Variants in SH3BGR observed in about 807,000 individuals in gnomAD.
SH3BGR encodes SH3 domain binding glutamate rich protein.
Under a neutral mutation model 24.5 loss-of-function variants are expected in SH3BGR, and 29 were observed. That is an observed-to-expected ratio of 1.18 (90% CI 0.88 to 1.61). The LOEUF (loss-of-function observed/expected upper bound fraction) is 1.61. SH3BGR is among the 40% of genes most tolerant of loss of function. The pLI, the probability that SH3BGR is intolerant of heterozygous loss-of-function variation, is 0.00. For missense variants in SH3BGR, 162 were observed against 205.8 expected, an observed-to-expected ratio of 0.79 and a Z score of 1.30; for synonymous variants, 55 against 65.7, an observed-to-expected ratio of 0.84 and a Z score of 0.79.
chr21:39,479,266 T>G (rs974578295), intron 3 of SH3BGR, among the ~76,000 whole-genome samples: 3 of 150,370 alleles, frequency 2.0e-5, no homozygotes, highest in African/African-American at 7.4e-5. Context: ...GTGATGGTAG[T>G]GCTGGTGGTG....
rs2078697423 is a variant in SH3BGR, at chr21:39,511,644, G to C, written c.436-36G>C. The C allele has an allele frequency of 6.2e-7, 1 of 1,600,158 alleles. No homozygotes were observed. Among genetic ancestry groups the C allele is most frequent in the Admixed American group, 1.8e-5 (1 of 57,018 alleles). Reference sequence around the variant, plus strand: ...TTCTCACTGTATCCTTGGCCCTTATGCTTCTTAATACTAATGTAAGTTTTG... The same window carrying C: ...TTCTCACTGTATCCTTGGCCCTTATCCTTCTTAATACTAATGTAAGTTTTG... On this transcript the variant is annotated intron_variant, in intron 5 of 6. Transcript: ENST00000333634. This position sits in a 1 kb window ranked among gnomAD's most constrained non-coding sequence, Gnocchi z 4.2.
intron 3 of SH3BGR, among the ~76,000 whole-genome samples, chr21:39,489,795 C>G (rs112311504): frequency 0.046 from 6,966 of 152,246 alleles, 293 homozygotes; most frequent in African/African-American, 0.11. Context: ...AGTCAGGGAG[C>G]TCCCAGGTGA....
At chr21:39,469,650 T>G (rs572767157) in intron 2 of SH3BGR, among the ~76,000 whole-genome samples, 2 of 151,486 alleles carry the variant, frequency 1.3e-5, no homozygotes, top group Non-Finnish European at 1.5e-5. Context: ...AATTTAATTT[T>G]ATTTATTATT....
intron 6 of SH3BGR, among the ~76,000 whole-genome samples, chr21:39,514,197 C>A (rs1296234155): frequency 1.3e-5 from 2 of 152,126 alleles, no homozygotes; most frequent in Non-Finnish European, 2.9e-5. Flanking sequence ...AGGTATTCTG[C>A]AAACTATTTG....
rs992622866 is a variant in SH3BGR, at chr21:39,499,240, C to T, written c.313-583C>T. 6.4e-3 allele frequency among the ~76,000 whole-genome samples: 529 copies of T among 82,040 alleles called. 4 individuals are homozygous for T. Among genetic ancestry groups the T allele is most frequent in the African/African-American group, 0.014 (497 of 35,130 alleles). 53.8% of individuals were successfully genotyped at this position (82,040 alleles called of 152,430 possible). A position where few individuals can be genotyped will look rare whatever the true frequency, so the allele number is the denominator to read the frequency against. On this transcript the variant is annotated intron_variant, in intron 3 of 6. Transcript: ENST00000333634. ...AAGCCTAACCATATTATCATCCATC[C>T]ATCCACCTATCTATCATCTGTCTAT...
At chr21:39,465,943 G>A (rs768180669) in intron 2 of SH3BGR, among the ~76,000 whole-genome samples, 9 of 152,028 alleles carry the variant, frequency 5.9e-5, no homozygotes, top group African/African-American at 1.9e-4. Context: ...CAATTTTTTG[G>A]CTTGGTCCTC....
intron 2 of SH3BGR, 108 bp from the exon 3 acceptor site, chr21:39,475,027 G>A (rs747019988): frequency 1.5e-5 from 10 of 651,926 alleles, no homozygotes; most frequent in Admixed American, 5.7e-5. Flanking sequence ...ATGACTTTTT[G>A]TGTGAGCTCC....
chr21:39,462,059 A>G (rs541705924), intron 1 of SH3BGR, among the ~76,000 whole-genome samples: 2 of 152,104 alleles, frequency 1.3e-5, no homozygotes, highest in African/African-American at 4.8e-5. Flanking sequence ...ACGTTGGTCA[A>G]GCTGGTGTCG....
At chr21:39,461,832 A>G (rs944495898) in intron 1 of SH3BGR, among the ~76,000 whole-genome samples, 3 of 151,998 alleles carry the variant, frequency 2.0e-5, no homozygotes, top group Non-Finnish European at 4.4e-5. Context: ...ATTATACAAT[A>G]ATTAATTAAT....
chr21:39,510,370 A>G (rs112503753), intron 5 of SH3BGR, among the ~76,000 whole-genome samples: 5,664 of 141,906 alleles, frequency 0.04, 158 homozygotes, highest in Middle Eastern at 0.087. Context: ...CTACATACAC[A>G]CACACACACA....
Position 39,452,031 on chromosome 21 carries a change from G to C in SH3BGR, c.-66G>C, listed in dbSNP as rs1326101863. On this transcript the variant is annotated 5_prime_UTR_variant, in exon 1 of 7. Coordinates refer to ENST00000333634, the MANE Select transcript of SH3BGR (RefSeq NM_007341.3). ...ACTTGCTTGCCTGTGTCACTGTCAGGATTTGTCTAGCGGCGCATTCCCTGA... is the reference window on the plus strand; with the variant it reads ...ACTTGCTTGCCTGTGTCACTGTCAGCATTTGTCTAGCGGCGCATTCCCTGA... The C allele has an allele frequency of 1.2e-6, 2 of 1,614,170 alleles. No individual in the cohort carries two copies. Among genetic ancestry groups the C allele is most frequent in the Non-Finnish European group, 1.7e-6 (2 of 1,180,036 alleles).
At chr21:39,497,633 A>G (rs2078421135) in intron 3 of SH3BGR, among the ~76,000 whole-genome samples, 1 of 152,130 alleles carries the variant, frequency 6.6e-6, no homozygotes, top group Non-Finnish European at 1.5e-5. Context: ...ATTCACTGCA[A>G]TGTCTACAAA....
chr21:39,464,957 G>A (rs1242221668), intron 2 of SH3BGR, among the ~76,000 whole-genome samples: 1 of 152,066 alleles, frequency 6.6e-6, no homozygotes, highest in Non-Finnish European at 1.5e-5. Flanking sequence ...GGTATCTAGT[G>A]AAAATTATTC....
At chr21:39,502,589 A>G (rs1010636826) in intron 4 of SH3BGR, among the ~76,000 whole-genome samples, 3 of 152,146 alleles carry the variant, frequency 2.0e-5, no homozygotes, top group African/African-American at 7.2e-5. Flanking sequence ...AATTCCCTCT[A>G]TCTGCTCCAT....
chr21:39,485,815 G>A (rs1272117212), intron 3 of SH3BGR, among the ~76,000 whole-genome samples: 4 of 151,638 alleles, frequency 2.6e-5, no homozygotes, highest in South Asian at 2.1e-4. Context: ...AGCCTCCTGC[G>A]TAGCTGGGAC....
chr21:39,509,911 G>A (rs996902901), intron 5 of SH3BGR, among the ~76,000 whole-genome samples: 2 of 151,890 alleles, frequency 1.3e-5, no homozygotes, highest in African/African-American at 4.8e-5. Context: ...GGTCCCAAAT[G>A]TCAAAAGAAA....
intron 1 of SH3BGR, among the ~76,000 whole-genome samples, chr21:39,460,695 C>T (rs2077740683): frequency 1.3e-5 from 2 of 152,154 alleles, no homozygotes; most frequent in Admixed American, 6.5e-5. Flanking sequence ...GTCTCGAACT[C>T]CTGACCTCGT....
intron 6 of SH3BGR, among the ~76,000 whole-genome samples, chr21:39,513,795 A>G (rs116808870): frequency 0.015 from 2,223 of 152,216 alleles, 44 homozygotes; most frequent in African/African-American, 0.049. Flanking sequence ...ACAAAGCAAA[A>G]CCCACAGTAA....
intron 3 of SH3BGR, among the ~76,000 whole-genome samples, chr21:39,497,440 A>G (rs1291493737): frequency 6.6e-6 from 1 of 151,894 alleles, no homozygotes; most frequent in African/African-American, 2.4e-5. Context: ...TTTAGAGAAT[A>G]AAAGTTAGAT....
Sources: gnomAD v4.1 joint callset for allele counts (sites outside exome capture counted in the v4.1 genomes callset) on GRCh38, gnomAD v4.1.1 for gene constraint, Gnocchi (gnomAD v3.1) non-coding constraint, MANE v1.5 for transcripts, NCBI Gene and HGNC (gene_info 2026-07-23, HGNC 2026-07-21) for gene names.